The following SEMA4G variants were observed in gnomAD, a reference collection of about 807,000 sequenced individuals.
SEMA4G encodes the protein semaphorin-4G.
SEMA4G carries 59 observed loss-of-function variants against 81.2 expected under a neutral mutation model. The ratio of observed to expected loss-of-function variants is 0.73; its 90% CI spans 0.59 to 0.90. SEMA4G has a LOEUF of 0.90. Ranked by LOEUF, SEMA4G falls within the 40% of genes least tolerant of loss-of-function variation. The pLI is 0.00. For missense variants in SEMA4G, 952 were observed against 1,102.3 expected (o/e 0.86, Z 1.93); for synonymous variants, 404 against 433.9 (o/e 0.93, Z 0.86).
chr10:100,979,813 G>C, intron 8 of SEMA4G, 35 bp from the exon 10 acceptor site: 1 of 1,609,362 alleles, frequency 6.2e-7, no homozygotes, highest in Non-Finnish European at 8.5e-7. Flanking sequence ...TTGACTCCAT[G>C]TAACTCACCC....
chr10:100,979,021 G>C lies in SEMA4G; in HGVS notation c.813+3G>C. 6.2e-7 allele frequency: 1 copy of C among 1,613,844 alleles called. No homozygotes were observed. On this transcript the variant is annotated splice_donor_region_variant and intron_variant, in intron 7 of 13. Transcript: ENST00000370250. ...CCCGTGTGGCTCGTGTCTGCAAGGT[G>C]GATTGGGCTGACGTTGGGGCACGGG...
chr10:100,984,182 G>A, exon 14 of SEMA4G: 4 of 1,551,730 alleles, frequency 2.6e-6, no homozygotes, highest in Non-Finnish European at 3.5e-6. Context: ...TCTGTCCCAG[G>A]CTGGGCCACT....
At chr10:100,972,794 C>A in exon 1 of SEMA4G, 1 of 1,105,236 alleles carries the variant, frequency 9.0e-7, no homozygotes, top group African/African-American at 1.6e-5. Flanking sequence ...TGACCCCTGA[C>A]CTTCCAAGTG....
intron 13 of SEMA4G, among the ~76,000 whole-genome samples, 182 bp from the exon 15 acceptor site, chr10:100,983,123 C>T (rs1004112787): frequency 6.6e-6 from 1 of 152,230 alleles, no homozygotes; most frequent in Non-Finnish European, 1.5e-5. Flanking sequence ...GCACTGCCTG[C>T]TTCCTGGGAA....
In SEMA4G at chr10:100,983,407, A is replaced by G. The variant is rs1451010139; in HGVS notation, c.1793A>G (p.Asn598Ser). The G allele has an allele frequency of 1.4e-5, 22 of 1,612,544 alleles. No homozygotes were observed. Among genetic ancestry groups the G allele is most frequent in the South Asian group, 2.2e-5 (2 of 90,834 alleles). Residue 598 changes from asparagine (N) to serine (S), a missense_variant, in exon 14 of 14, where the codon AAT becomes AGT. Around this residue, in one of 3 missense-constraint regions of SEMA4G, gnomAD observed 385 missense variants for 413.5 expected, o/e 0.93. Transcript: ENST00000370250. Reference sequence around the variant, plus strand: ...CTGGCCCGGGCCTTGTGGCTACTCAATGGGAGCATGGGCCTGAGCGATGGG... The same window carrying G: ...CTGGCCCGGGCCTTGTGGCTACTCAGTGGGAGCATGGGCCTGAGCGATGGG...
At chr10:100,984,001 A>G (rs1851286938) in exon 14 of SEMA4G, 2 of 1,612,120 alleles carry the variant, frequency 1.2e-6, no homozygotes, top group Non-Finnish European at 1.7e-6. Context: ...GGCAATAGCT[A>G]TGTGCTTCTG....
upstream of SEMA4G, among the ~76,000 whole-genome samples, chr10:100,972,064 T>G (rs989379308): frequency 6.6e-6 from 1 of 151,270 alleles, no homozygotes; most frequent in Non-Finnish European, 1.5e-5. Context: ...CAGAGGGAGC[T>G]CTCAGGCCAG....
In SEMA4G at chr10:100,973,894, T is replaced by C. The variant is rs1262500152; in HGVS notation, c.336+285T>C. Among the ~76,000 whole-genome samples, 1 of 152,044 alleles carries C rather than the reference T, an allele frequency of 6.6e-6. No individual in the cohort carries two copies. Among genetic ancestry groups the C allele is most frequent in the Non-Finnish European group, 1.5e-5 (1 of 68,010 alleles). On this transcript the variant is annotated intron_variant, in intron 3 of 13. Transcript: ENST00000370250. The surrounding 1 kb of genome is among the most constrained non-coding windows in gnomAD (Gnocchi z 5.5). ...CCTGGGCTCAGGGGATCCTTCCACT[T>C]CAGCCTCCTGAGTAGCTAGGACCAC... is the stretch of plus-strand genomic sequence containing the variant.
chr10:100,979,649 G>C (rs2133881608), intron 8 of SEMA4G, among the ~76,000 whole-genome samples, 199 bp from the exon 10 acceptor site: 1 of 152,252 alleles, frequency 6.6e-6, no homozygotes, highest in South Asian at 2.1e-4. Flanking sequence ...TCAAAGTGCT[G>C]GCAAAGTGAG....
At chr10:100,974,953 A>G (rs1293921249) in intron 3 of SEMA4G, 1 of 506,814 alleles carries the variant, frequency 2.0e-6, no homozygotes, top group Admixed American at 2.2e-5. Context: ...CTCTAATAAA[A>G]AATAATTAAA....
upstream of SEMA4G, chr10:100,969,650 G>A (rs910031790): frequency 6.1e-6 from 2 of 327,606 alleles, no homozygotes; most frequent in African/African-American, 4.4e-5. Flanking sequence ...TGCGGGCCGG[G>A]GGTCGGGCAA....
At chr10:100,978,156 G>A (rs962189014) in intron 4 of SEMA4G, 139 bp from the exon 6 acceptor site, 1 of 629,046 alleles carries the variant, frequency 1.6e-6, no homozygotes, top group African/African-American at 1.8e-5. Context: ...GGATGCTTAA[G>A]TTATTGCTGT....
Position 100,980,005 on chromosome 10 carries a change from G to T in SEMA4G, c.1128+13G>T, listed in dbSNP as rs373417158. ...CCGGCCTGGCTCGGTGAGTGCCCAG[G>T]CCTGGGGCCAGTGCTGAGTAGACAG... On this transcript the variant is annotated intron_variant, in intron 9 of 13. Coordinates refer to ENST00000370250, the Ensembl canonical transcript of SEMA4G. The T allele has an allele frequency of 1.4e-5, 22 of 1,613,976 alleles. No individual in the cohort carries two copies. The African/African-American group carries it at 2.8e-4, about 21-fold the overall frequency.
At position 100,979,903 on chromosome 10, in the gene SEMA4G, G is replaced by A; in HGVS notation, c.1039G>A (p.Val347Ile). Residue 347 changes from valine (V) to isoleucine (I), a missense_variant, in exon 9 of 14, where the codon GTC (valine) becomes ATC (isoleucine). Around this residue, in one of 3 missense-constraint regions of SEMA4G, gnomAD observed 436 missense variants for 488.2 expected, o/e 0.89. Transcript: ENST00000370250. ...CTATGACCTGGCAGAGATCCAGGCTGTCTTTGCAGGACCCTATATGGAATA... is the reference window on the plus strand; with the variant it reads ...CTATGACCTGGCAGAGATCCAGGCTATCTTTGCAGGACCCTATATGGAATA... The A allele has an allele frequency of 6.2e-7, 1 of 1,614,144 alleles. No homozygotes were observed. The highest frequency in any genetic ancestry group is 2.2e-5 in the East Asian group (1 of 44,870).
At chr10:100,985,091 G>T, downstream of SEMA4G, 1 of 575,930 alleles carries the variant, frequency 1.7e-6, no homozygotes, top group South Asian at 3.1e-5. Context: ...CCCTTGCCTA[G>T]GATGGATGAC....
At chr10:100,979,743 T>C (rs1044452589) in intron 8 of SEMA4G, 105 bp from the exon 10 acceptor site, 22 of 1,325,974 alleles carry the variant, frequency 1.7e-5, no homozygotes, top group African/African-American at 5.8e-5. Context: ...TGTGGGACTA[T>C]AGCTGGGGTT....
At chr10:100,974,835 G>A (rs1850730538) in intron 3 of SEMA4G, 2 of 370,896 alleles carry the variant, frequency 5.4e-6, no homozygotes, top group Non-Finnish European at 1.0e-5. Flanking sequence ...CCCTGGGCTG[G>A]GCATGGTGGG....
At chr10:100,979,256 C>T (rs755545765) in exon 8 of SEMA4G, 33 of 1,614,050 alleles carry the variant, frequency 2.0e-5, no homozygotes, top group Middle Eastern at 1.6e-4. Flanking sequence ...GCAGCCTTCA[C>T]GCTGAGCACA....
chr10:100,973,724 A>G lies in SEMA4G; in HGVS notation c.336+115A>G. ...ACAGACCTGCCAGTCAATCTCAGCA[A>G]CCACAGTAAACATTGTAAGTATTGC... On this transcript the variant is annotated intron_variant, in intron 3 of 13. Transcript: ENST00000370250. The surrounding 1 kb of genome is among the most constrained non-coding windows in gnomAD (Gnocchi z 5.5). 1 of 891,066 alleles carries G rather than the reference A, an allele frequency of 1.1e-6. No individual in the cohort carries two copies. The highest frequency in any genetic ancestry group is 1.7e-6 in the Non-Finnish European group (1 of 573,442). 55.2% of individuals were successfully genotyped at this position (891,066 alleles called of 1,614,324 possible). A position where few individuals can be genotyped will look rare whatever the true frequency, so the allele number is the denominator to read the frequency against.
Sources: allele counts gnomAD v4.1 joint callset (sites outside exome capture counted in the v4.1 genomes callset), GRCh38; gene constraint gnomAD v4.1.1; regional missense constraint gnomAD v4.1.1; non-coding constraint Gnocchi (gnomAD v3.1); transcripts MANE v1.5; gene names NCBI Gene and HGNC (gene_info 2026-07-23, HGNC 2026-07-21).